Variants in GLI3 observed in about 807,000 individuals in gnomAD.
GLI3 encodes the protein transcription activator GLI3.
GLI3 carries 20 observed loss-of-function variants against 100.8 expected under a neutral mutation model. The observed-to-expected ratio is 0.20, with a 90% CI of 0.14 to 0.29. GLI3 has a LOEUF of 0.29. Ranked by LOEUF, GLI3 falls within the 10% of genes least tolerant of loss-of-function variation. GLI3 has a pLI of 1.00. For synonymous variants in GLI3, 938 were observed against 860.5 expected, an observed-to-expected ratio of 1.09 and a Z score of -1.58; for missense variants, 2,040 against 2,128.5, an observed-to-expected ratio of 0.96 and a Z score of 0.82.
At chr7:42,224,136 T>C (rs530119864) in intron 1 of GLI3, among the ~76,000 whole-genome samples, 3 of 152,316 alleles carry the variant, frequency 2.0e-5, no homozygotes, top group African/African-American at 7.2e-5. Context: ...CTCTGGTTCA[T>C]GTTCCTTTTT....
chr7:42,117,425 G>A (rs1337424934), intron 3 of GLI3, among the ~76,000 whole-genome samples: 3 of 152,314 alleles, frequency 2.0e-5, no homozygotes, highest in East Asian at 1.9e-4. Context: ...AGGACCAGAC[G>A]CCTTTTAGGA....
chr7:42,000,749 G>A (rs530807304), intron 10 of GLI3, among the ~76,000 whole-genome samples: 1 of 152,276 alleles, frequency 6.6e-6, no homozygotes, highest in South Asian at 2.1e-4. Flanking sequence ...CCACAGTGGA[G>A]GCAGCAAGGA....
rs541452874 is a variant in GLI3 at position 41,972,272 on chromosome 7, A to G, written c.2103+65T>C. On this transcript the variant is annotated intron_variant, in intron 13 of 14. Transcript: ENST00000395925. This position sits in a 1 kb window ranked among gnomAD's most constrained non-coding sequence, Gnocchi z 4.4. ...GAGGACCGGGAAGTCCTGTCCCTCT[A>G]TGCACCCTACCTGGCTCTTTTAAAT... is the stretch of plus-strand genomic sequence containing the variant. 8.1e-6 allele frequency: 12 copies of G among 1,476,628 alleles called. No homozygotes were observed. The African/African-American group carries it at 1.4e-4, about 17-fold the overall frequency. 91.5% of individuals were successfully genotyped at this position (1,476,628 alleles called of 1,614,324 possible). A position where few individuals can be genotyped will look rare whatever the true frequency, so the allele number is the denominator to read the frequency against.
intron 7 of GLI3, among the ~76,000 whole-genome samples, chr7:42,038,054 G>T (rs774697300): frequency 1.3e-4 from 20 of 152,362 alleles, no homozygotes; most frequent in Admixed American, 1.0e-3. Flanking sequence ...AAGTGATTTT[G>T]TGTGTTATCT....
chr7:42,119,572 G>T (rs991470154), intron 3 of GLI3, among the ~76,000 whole-genome samples: 1 of 152,138 alleles, frequency 6.6e-6, no homozygotes, highest in African/African-American at 2.4e-5. Context: ...TCCCTTCCCT[G>T]CATTAAAGAG....
At chr7:42,109,363 A>G (rs1332581721) in intron 3 of GLI3, among the ~76,000 whole-genome samples, 1 of 152,194 alleles carries the variant, frequency 6.6e-6, no homozygotes, top group Non-Finnish European at 1.5e-5. Context: ...AATTCCTGGA[A>G]GTCTGGCACC....
chr7:42,247,230 A>G (rs73096398), intron 1 of GLI3, among the ~76,000 whole-genome samples: 7,271 of 152,282 alleles, frequency 0.048, 232 homozygotes, highest in Middle Eastern at 0.075. Flanking sequence ...TCATAGCAGC[A>G]TACCTTCGAG....
chr7:42,128,850 C>A (rs566612779), intron 3 of GLI3, among the ~76,000 whole-genome samples: 1 of 152,226 alleles, frequency 6.6e-6, no homozygotes, highest in East Asian at 1.9e-4. Context: ...CATTTCCACT[C>A]CCATTTTAGA....
intron 1 of GLI3, among the ~76,000 whole-genome samples, chr7:42,261,253 C>G (rs1328816278): frequency 1.7e-5 from 2 of 119,106 alleles, no homozygotes; most frequent in African/African-American, 5.6e-5. Context: ...TTATGGGGTG[C>G]GGGGAGGTGC....
chr7:41,982,497 C>T (rs528316818), intron 10 of GLI3, among the ~76,000 whole-genome samples: 2 of 152,094 alleles, frequency 1.3e-5, no homozygotes, highest in African/African-American at 2.4e-5. Context: ...TCAGGAGGAT[C>T]ACTTGAGCTC....
At chr7:42,039,001 A>G (rs1784076533) in intron 7 of GLI3, among the ~76,000 whole-genome samples, 1 of 152,246 alleles carries the variant, frequency 6.6e-6, no homozygotes, top group African/African-American at 2.4e-5. Flanking sequence ...ATCCGTTAGT[A>G]TGTACTTTTC....
chr7:42,027,940 A>G (rs547023689), intron 7 of GLI3, among the ~76,000 whole-genome samples: 1 of 152,350 alleles, frequency 6.6e-6, no homozygotes, highest in South Asian at 2.1e-4. Flanking sequence ...GGCAAGACTT[A>G]GCTAAGGTAG....
At chr7:42,127,480 A>G (rs1345240339) in intron 3 of GLI3, among the ~76,000 whole-genome samples, 1 of 152,200 alleles carries the variant, frequency 6.6e-6, no homozygotes, top group African/African-American at 2.4e-5. Context: ...TAAACAGCAC[A>G]CATGCATCCC....
chr7:42,187,642 T>C lies in GLI3; in HGVS notation c.124+35488A>G, dbSNP rs183798108. On this transcript the variant is annotated intron_variant, in intron 2 of 14. Coordinates refer to ENST00000395925, the MANE Select transcript of GLI3 (RefSeq NM_000168.6). ...TATATGGAAACAGCATCTTTGCAGATGTAATTTGTAAGATGAGGTTATACT... is the reference window on the plus strand; with the variant it reads ...TATATGGAAACAGCATCTTTGCAGACGTAATTTGTAAGATGAGGTTATACT... 1.1e-3 allele frequency among the ~76,000 whole-genome samples: 173 copies of C among 152,188 alleles called. 1 individual carries two copies. The highest frequency in any genetic ancestry group is 3.4e-3 in the Middle Eastern group (1 of 294).
chr7:42,259,656 C>T (rs765883934), intron 1 of GLI3, among the ~76,000 whole-genome samples: 35 of 151,934 alleles, frequency 2.3e-4, no homozygotes, highest in Non-Finnish European at 2.5e-4. Flanking sequence ...TATTTGTGAC[C>T]CCTCGTGCAA....
chr7:42,222,561 G>A lies in GLI3; in HGVS notation c.124+569C>T, dbSNP rs546401395. Among the ~76,000 whole-genome samples the A allele has an allele frequency of 7.0e-4, 106 of 152,278 alleles. 1 individual carries two copies. The Middle Eastern group carries it at 0.01, about 15-fold the overall frequency. The stretch of plus-strand genomic sequence containing the variant: ...TTAAACTTTAAAAACACAGAATACA[G>A]AAACAGTGGCTCTGTGTTATCTCTG... On this transcript the variant is annotated intron_variant, in intron 2 of 14. Coordinates refer to ENST00000395925, the MANE Select transcript of GLI3 (RefSeq NM_000168.6).
intron 2 of GLI3, among the ~76,000 whole-genome samples, chr7:42,181,241 T>C (rs1021363457): frequency 6.6e-6 from 1 of 152,186 alleles, no homozygotes; most frequent in Non-Finnish European, 1.5e-5. Flanking sequence ...TATTACTGCC[T>C]AACAAATGGA....
intron 12 of GLI3, among the ~76,000 whole-genome samples, chr7:41,975,828 C>A (rs1230274607): frequency 1.3e-5 from 2 of 152,140 alleles, no homozygotes; most frequent in African/African-American, 2.4e-5. Flanking sequence ...CAGCATTGGC[C>A]TAACATCTAT....
At chr7:42,198,127 T>G (rs1425151654) in intron 2 of GLI3, among the ~76,000 whole-genome samples, 5 of 152,300 alleles carry the variant, frequency 3.3e-5, no homozygotes, top group African/African-American at 1.2e-4. Flanking sequence ...CAAATATTTA[T>G]TGAGCCCCTG....
Sources: allele counts gnomAD v4.1 joint callset (sites outside exome capture counted in the v4.1 genomes callset), GRCh38; gene constraint gnomAD v4.1.1; non-coding constraint Gnocchi (gnomAD v3.1); transcripts MANE v1.5; gene names NCBI Gene and HGNC (gene_info 2026-07-23, HGNC 2026-07-21).